The following DNAH8 variants were observed in gnomAD, a reference collection of about 807,000 sequenced individuals.
DNAH8 encodes the protein dynein axonemal heavy chain 8, also known as axonemal beta dynein heavy chain 8.
A neutral mutation model predicts 562.1 loss-of-function variants in DNAH8; 382 were observed. The observed-to-expected ratio is 0.68, with a 90% CI of 0.63 to 0.74. The LOEUF (loss-of-function observed/expected upper bound fraction) is 0.74, where lower values mean the gene tolerates loss of function less well. Among genes scored for constraint, DNAH8 ranks in the 30% least tolerant of loss-of-function variants. The probability of loss-of-function intolerance (pLI) is 0.00; values close to 1 mark genes in which losing one functional copy is unlikely to be tolerated. For synonymous variants in DNAH8, 1,881 were observed against 1,919.4 expected (o/e 0.98, Z 0.52); for missense variants, 5,203 against 5,620.4 (o/e 0.93, Z 2.37).
At chr6:38,930,289 A>G (rs151004786) in intron 75 of DNAH8, among the ~76,000 whole-genome samples, 1,738 of 152,194 alleles carry the variant, frequency 0.011, 25 homozygotes, top group Middle Eastern at 0.038. Context: ...TTCATGTTTA[A>G]TTTGTGTCAT....
intron 3 of DNAH8, among the ~76,000 whole-genome samples, chr6:38,726,934 T>G (rs1255021128): frequency 6.8e-6 from 1 of 147,744 alleles, no homozygotes; most frequent in African/African-American, 2.5e-5. Flanking sequence ...CTCAGCTCAC[T>G]GTAATCTCCA....
At chr6:38,984,474 A>G (rs1413547219) in intron 87 of DNAH8, 167 bp downstream of exon 87, 56 of 268,958 alleles carry the variant, frequency 2.1e-4, no homozygotes, top group Non-Finnish European at 4.0e-4. Flanking sequence ...ACACATGCAC[A>G]CACACACACA....
chr6:38,742,850 A>C (rs1419838449), intron 8 of DNAH8, among the ~76,000 whole-genome samples: 1 of 152,046 alleles, frequency 6.6e-6, no homozygotes. Flanking sequence ...CAAATGACAT[A>C]GTTTAGTTTT....
In DNAH8 at chr6:38,938,854, C is replaced by T. The variant is rs953615182; in HGVS notation, c.11873C>T (p.Thr3958Ile). ...ATTACAAATATTATCGAGTACCTGA[C>T]ATATGAAGTTTTTACATACTCTGTC... is the stretch of plus-strand genomic sequence containing the variant. ...KRITNIIEYL[T>I]YEVFTYSVRG... The change falls in exon 79 of 93, where the codon ACA becomes ATA. Residue 3958 changes from threonine (T) to isoleucine (I), a missense_variant. Transcript: ENST00000327475. The T allele has an allele frequency of 6.2e-7, 1 of 1,613,094 alleles. No individual in the cohort carries two copies. Among genetic ancestry groups the T allele is most frequent in the Non-Finnish European group, 8.5e-7 (1 of 1,179,324 alleles).
At chr6:38,959,894 G>A (rs1762498263) in intron 82 of DNAH8, among the ~76,000 whole-genome samples, 1 of 151,926 alleles carries the variant, frequency 6.6e-6, no homozygotes, top group Non-Finnish European at 1.5e-5. Context: ...AACCAAAACA[G>A]GATGGTAGTG....
chr6:38,900,572 C>T lies in DNAH8; in HGVS notation c.9194+666C>T, dbSNP rs74452612. 7.0e-3 allele frequency among the ~76,000 whole-genome samples: 1,063 copies of T among 152,072 alleles called. 15 individuals carry two copies. The highest frequency in any genetic ancestry group is 0.024 in the African/African-American group (987 of 41,510). On this transcript the variant is annotated intron_variant, in intron 62 of 92. Transcript: ENST00000327475. ...CACCAACATGTCATGAGAGTTGCTC[C>T]GCATCCTTGCTCCCACTTGGCATTG... is the stretch of plus-strand genomic sequence containing the variant.
Position 38,872,547 on chromosome 6 carries a change from G to A in DNAH8, c.7002G>A (p.Thr2334=). The part of the protein sequence containing the change: ...WNLKLVQLYE[T]SLVRHGLMTL... ...GGTTAATTGTGTAGTTATATGAGACGTCTTTGGTACGGCATGGCTTGATGA... is the reference window on the plus strand; with the variant it reads ...GGTTAATTGTGTAGTTATATGAGACATCTTTGGTACGGCATGGCTTGATGA... Residue 2334 remains threonine (T), a synonymous_variant, in exon 50 of 93, where the codon ACG becomes ACA. Coordinates refer to ENST00000327475, the MANE Select transcript of DNAH8 (RefSeq NM_001206927.2). 1 of 1,613,878 alleles carries A rather than the reference G, an allele frequency of 6.2e-7. No individual in the cohort carries two copies. Among genetic ancestry groups the A allele is most frequent in the Non-Finnish European group, 8.5e-7 (1 of 1,179,834 alleles).
At position 38,741,719 on chromosome 6, in the gene DNAH8, T is replaced by G. The variant is rs765653307; in HGVS notation, c.1125T>G (p.Ile375Met). 2 of 1,608,860 alleles carry G rather than the reference T, an allele frequency of 1.2e-6. No individual in the cohort carries two copies. The highest frequency in any genetic ancestry group is 1.7e-6 in the Non-Finnish European group (2 of 1,178,300). ...VWYKQIEQVL[I>M]ESEQMRKEAG... ...AATTTTTTTGACTGCAGGTACTTATTGAGAGTGAGCAGATGAGAAAAGAAG... is the reference window on the plus strand; with the variant it reads ...AATTTTTTTGACTGCAGGTACTTATGGAGAGTGAGCAGATGAGAAAAGAAG... Residue 375 changes from isoleucine (I) to methionine (M), a missense_variant, in exon 8 of 93, where the codon ATT (isoleucine) becomes ATG (methionine). Coordinates refer to ENST00000327475, the MANE Select transcript of DNAH8 (RefSeq NM_001206927.2).
At chr6:38,850,185 G>A in intron 37 of DNAH8, 66 bp from the exon 38 acceptor site, 2 of 1,485,862 alleles carry the variant, frequency 1.3e-6, no homozygotes, top group Non-Finnish European at 1.8e-6. Flanking sequence ...AAATTCCAAG[G>A]TGAAGACTTT....
intron 5 of DNAH8, among the ~76,000 whole-genome samples, chr6:38,735,476 T>C: frequency 6.6e-6 from 1 of 152,228 alleles, no homozygotes; most frequent in East Asian, 1.9e-4. Context: ...GTTAGTGTAA[T>C]TCATAGGTAA....
rs370991185 is a variant in DNAH8 at position 38,734,546 on chromosome 6, C to T, written c.683C>T (p.Pro228Leu). The T allele has an allele frequency of 1.1e-5, 17 of 1,613,676 alleles. No homozygotes were observed. The highest frequency in any genetic ancestry group is 3.3e-5 in the South Asian group (3 of 91,076). ...MMKLYIDNAAPDKLKGLCIFF... is the reference protein window; with the variant it reads ...MMKLYIDNAALDKLKGLCIFF... ...AAATTGTATATAGACAATGCAGCCC[C>T]GGATAAACTAAAAGGACTGTGCATA... Residue 228 changes from proline to leucine, a missense_variant, in exon 5 of 93, where the codon CCG (proline) becomes CTG (leucine). Physicochemically the swap from Pro to Leu is moderately conservative, Grantham distance 98. Around this residue, in one of 6 missense-constraint regions of DNAH8, gnomAD observed 556 missense variants for 496.9 expected, o/e 1.12. Coordinates refer to ENST00000327475, the MANE Select transcript of DNAH8 (RefSeq NM_001206927.2).
intron 61 of DNAH8, 118 bp from the exon 62 acceptor site, chr6:38,899,658 G>A (rs1474171637): frequency 7.3e-6 from 8 of 1,094,138 alleles, no homozygotes; most frequent in African/African-American, 1.6e-5. Flanking sequence ...GACCATTAAC[G>A]AGGAAAAAGT....
At chr6:38,806,370 C>A (rs962227657) in intron 23 of DNAH8, among the ~76,000 whole-genome samples, 2 of 152,180 alleles carry the variant, frequency 1.3e-5, no homozygotes, top group South Asian at 2.1e-4. Context: ...AATTGGGAAA[C>A]ACTTTTCTGC....
At chr6:38,825,858 A>G (rs1773269482) in intron 28 of DNAH8, among the ~76,000 whole-genome samples, 1 of 152,222 alleles carries the variant, frequency 6.6e-6, no homozygotes. Flanking sequence ...TGGGATGGTC[A>G]GAAGAAGTGC....
rs979881646 is a variant in DNAH8, at chr6:38,766,117, A to G, written c.1618-4296A>G. ...AGAAAATGGGGTATATAGGGTATGT[A>G]TGTATATATGTATGTGTTTGTATGT... On this transcript the variant is annotated intron_variant, in intron 11 of 92. Transcript: ENST00000327475. 6.0e-5 allele frequency among the ~76,000 whole-genome samples: 8 copies of G among 132,966 alleles called. No individual in the cohort carries two copies. In the Admixed American group the frequency reaches 6.6e-4, roughly 11 times the overall value. 87.2% of individuals were successfully genotyped at this position (132,966 alleles called of 152,430 possible).
At position 38,875,703 on chromosome 6, in the gene DNAH8, T is replaced by A; in HGVS notation, c.7733T>A (p.Leu2578His). Reference protein sequence around the residue: ...VFGLMWSLGALLELESREKLE... With the variant: ...VFGLMWSLGAHLELESREKLE... ...GGCCTAATGTGGAGTTTAGGAGCCC[T>A]TCTGGAATTAGAAAGCAGAGAAAAG... The change falls in exon 53 of 93, where the codon CTT becomes CAT. Residue 2578 changes from leucine to histidine, a missense_variant. Coordinates refer to ENST00000327475, the MANE Select transcript of DNAH8 (RefSeq NM_001206927.2). 1 of 1,614,012 alleles carries A rather than the reference T, an allele frequency of 6.2e-7. No homozygotes were observed. The highest frequency in any genetic ancestry group is 8.5e-7 in the Non-Finnish European group (1 of 1,179,940).
chr6:39,026,482 C>T lies in DNAH8; in HGVS notation c.13715-64C>T, dbSNP rs568476500. 8.5e-4 allele frequency: 1,283 copies of T among 1,513,024 alleles called. 4 individuals are homozygous for T. The highest frequency in any genetic ancestry group is 2.6e-4 in the Non-Finnish European group (295 of 1,116,208). 93.7% of individuals were successfully genotyped at this position (1,513,024 alleles called of 1,614,324 possible). A position where few individuals can be genotyped will look rare whatever the true frequency, so the allele number is the denominator to read the frequency against. On this transcript the variant is annotated intron_variant, in intron 91 of 92. Transcript: ENST00000327475. ...GATAAGCAAGTAACACTTAACATTG[C>T]TTCCTTCTTGTTTTTAAAGCAGATT...
intron 66 of DNAH8, among the ~76,000 whole-genome samples, chr6:38,913,067 A>G (rs955939428): frequency 6.6e-6 from 1 of 152,182 alleles, no homozygotes; most frequent in Non-Finnish European, 1.5e-5. Context: ...TGGCCTCCCA[A>G]AGTTCTGGGA....
intron 53 of DNAH8, among the ~76,000 whole-genome samples, 191 bp from the exon 54 acceptor site, chr6:38,882,719 A>G (rs1472012609): frequency 6.6e-6 from 1 of 152,244 alleles, no homozygotes; most frequent in Non-Finnish European, 1.5e-5. Flanking sequence ...AGCTGACTTT[A>G]TAAAAAAAGG....
Sources: allele counts gnomAD v4.1 joint callset (sites outside exome capture counted in the v4.1 genomes callset), GRCh38; gene constraint gnomAD v4.1.1; regional missense constraint gnomAD v4.1.1; transcripts MANE v1.5; gene names NCBI Gene and HGNC (gene_info 2026-07-23, HGNC 2026-07-21).